The following NMU variants were observed in gnomAD, a reference collection of about 807,000 sequenced individuals.
NMU encodes neuromedin-U.
In NMU, 29 loss-of-function variants were observed where a neutral mutation model predicts 35.4. The ratio of observed to expected loss-of-function variants is 0.82; its 90% CI spans 0.61 to 1.12. NMU has a LOEUF of 1.12. Among genes scored for constraint, NMU ranks in the 50% most tolerant of loss-of-function variants. The pLI, the probability that NMU is intolerant of heterozygous loss-of-function variation, is 0.00. For synonymous variants in NMU, 78 were observed against 81.3 expected, an observed-to-expected ratio of 0.96 and a Z score of 0.22; for missense variants, 199 against 206.2, an observed-to-expected ratio of 0.97 and a Z score of 0.21.
At chr4:55,603,911 C>CAAAA (rs746222578) in intron 7 of NMU, among the ~76,000 whole-genome samples, 5 of 50,374 alleles carry the variant, frequency 9.9e-5, no homozygotes, top group African/African-American at 6.0e-4. Flanking sequence ...GAGTCCGTCT[C>CAAAA]AAAAAAAAAA....
At chr4:55,611,721 C>T (rs1250038635) in intron 3 of NMU, among the ~76,000 whole-genome samples, 1 of 152,140 alleles carries the variant, frequency 6.6e-6, no homozygotes, top group Non-Finnish European at 1.5e-5. Context: ...CAGTAATGTG[C>T]TGTACAGGTT....
At chr4:55,625,827 G>GGTGTCTATCTAGTGTGTTGCTTC (rs1734504550) in intron 2 of NMU, among the ~76,000 whole-genome samples, 2 of 151,234 alleles carry the variant, frequency 1.3e-5, no homozygotes, top group Non-Finnish European at 2.9e-5. Flanking sequence ...CATGTTGCTG[G>GGTGTCTATCTAGTGTGTTGCTTC]GTGTCTATCT....
At chr4:55,605,976 T>A (rs146767368) in intron 6 of NMU, among the ~76,000 whole-genome samples, 135 of 152,334 alleles carry the variant, frequency 8.9e-4, no homozygotes, top group African/African-American at 3.1e-3. Context: ...CTGATATGGC[T>A]GCATTTTTTA....
At chr4:55,613,979 T>C (rs1373903650) in intron 3 of NMU, among the ~76,000 whole-genome samples, 1 of 152,202 alleles carries the variant, frequency 6.6e-6, no homozygotes, top group Non-Finnish European at 1.5e-5. Flanking sequence ...AATTTATTAA[T>C]ATTACTTATT....
chr4:55,630,541 A>G (rs1236959782), intron 1 of NMU, 81 bp from the exon 2 acceptor site: 3 of 1,111,916 alleles, frequency 2.7e-6, no homozygotes, highest in African/African-American at 1.6e-5. Context: ...TCTTTCTCGC[A>G]CACTTTCTTC....
Position 55,607,323 on chromosome 4 carries a change from T to C in NMU, c.335A>G (p.Gln112Arg). 1 of 1,608,186 alleles carries C rather than the reference T, an allele frequency of 6.2e-7. No homozygotes were observed. Among genetic ancestry groups the C allele is most frequent in the Non-Finnish European group, 8.5e-7 (1 of 1,174,996 alleles). ...CACAACATTTGACTTGCCCAACTTC[T>C]GTGTCTTCGAATAATGAAATAAGAA... ...KRFLFHYSKT[Q>R]KLGKSNVVSS... Residue 112 changes from glutamine to arginine, a missense_variant, in exon 6 of 10, where the codon CAG becomes CGG. By Grantham distance (43) the Gln-to-Arg change is conservative. Coordinates refer to ENST00000264218, the MANE Select transcript of NMU (RefSeq NM_006681.4).
At chr4:55,631,661 A>G (rs1419741523) in intron 1 of NMU, among the ~76,000 whole-genome samples, 2 of 152,228 alleles carry the variant, frequency 1.3e-5, no homozygotes, top group African/African-American at 4.8e-5. Context: ...AAGTCAAAAA[A>G]CAATAGATGT....
chr4:55,610,033 A>G (rs1733866139), intron 3 of NMU, among the ~76,000 whole-genome samples: 1 of 152,186 alleles, frequency 6.6e-6, no homozygotes, highest in African/African-American at 2.4e-5. Flanking sequence ...TAGGCTGGTT[A>G]CCTAACCTCT....
At chr4:55,630,621 A>G (rs185047300) in intron 1 of NMU, among the ~76,000 whole-genome samples, 161 bp from the exon 2 acceptor site, 293 of 152,286 alleles carry the variant, frequency 1.9e-3, no homozygotes, top group Non-Finnish European at 3.7e-3. Context: ...AGGAGACATA[A>G]TTACTAAATA....
At chr4:55,603,542 G>A (rs1301925530) in intron 7 of NMU, among the ~76,000 whole-genome samples, 1 of 151,920 alleles carries the variant, frequency 6.6e-6, no homozygotes, top group Admixed American at 6.6e-5. Flanking sequence ...TACTAACGGA[G>A]TTCCTCAAAG....
chr4:55,603,924 A>G lies in NMU; in HGVS notation c.435+1351T>C, dbSNP rs375543530. On this transcript the variant is annotated intron_variant, in intron 7 of 9. Coordinates refer to ENST00000264218, the MANE Select transcript of NMU (RefSeq NM_006681.4). ...AAGAGTCCGTCTCAAAAAAAAAAAA[A>G]AAATATATATATATATATATATGTA... Among the ~76,000 whole-genome samples the G allele has an allele frequency of 3.8e-5, 2 of 52,226 alleles. 1 individual carries two copies. Among genetic ancestry groups the G allele is most frequent in the Non-Finnish European group, 7.2e-5 (2 of 27,624 alleles). The allele number at this position is 52,226 out of a possible 152,430, so 34.3% of individuals were successfully genotyped here.
intron 1 of NMU, among the ~76,000 whole-genome samples, chr4:55,632,784 A>G (rs865898219): frequency 3.3e-5 from 5 of 152,012 alleles, no homozygotes; most frequent in Non-Finnish European, 5.9e-5. Context: ...TTCCACCTCA[A>G]CTTCACTGTG....
intron 9 of NMU, among the ~76,000 whole-genome samples, chr4:55,598,454 T>C (rs1733292118): frequency 6.6e-6 from 1 of 152,222 alleles, no homozygotes; most frequent in Non-Finnish European, 1.5e-5. Context: ...AATACACTTT[T>C]ATTTCTGTGG....
intron 2 of NMU, among the ~76,000 whole-genome samples, chr4:55,626,944 C>A (rs913678976): frequency 6.6e-6 from 1 of 152,138 alleles, no homozygotes; most frequent in Non-Finnish European, 1.5e-5. Context: ...CTATAATTTA[C>A]CTTTTATATT....
At position 55,607,285 on chromosome 4, in the gene NMU, T is replaced by C; in HGVS notation, c.360+13A>G. 6.4e-7 allele frequency: 1 copy of C among 1,573,930 alleles called. No individual in the cohort carries two copies. On this transcript the variant is annotated intron_variant, in intron 6 of 9. Transcript: ENST00000264218. ...AATATTAGTGATTACTAAGAAGTAGTTCTACAACTTACCACAACATTTGAC... is the reference window on the plus strand; with the variant it reads ...AATATTAGTGATTACTAAGAAGTAGCTCTACAACTTACCACAACATTTGAC...
chr4:55,614,670 G>C (rs112308813), intron 3 of NMU, among the ~76,000 whole-genome samples: 1 of 152,104 alleles, frequency 6.6e-6, no homozygotes, highest in Non-Finnish European at 1.5e-5. Flanking sequence ...AGCTCCTCTT[G>C]AAAGAGGCAC....
intron 2 of NMU, among the ~76,000 whole-genome samples, chr4:55,616,744 G>C (rs1036618686): frequency 2.6e-5 from 4 of 152,072 alleles, no homozygotes; most frequent in Admixed American, 2.0e-4. Flanking sequence ...GCAGACCTTT[G>C]GTTATCATAT....
At chr4:55,612,669 T>G (rs1733981446) in intron 3 of NMU, among the ~76,000 whole-genome samples, 1 of 152,198 alleles carries the variant, frequency 6.6e-6, no homozygotes, top group Admixed American at 6.5e-5. Context: ...CTAAGCTGGA[T>G]GAGCTTCAGT....
intron 7 of NMU, among the ~76,000 whole-genome samples, chr4:55,603,150 C>T (rs1485922348): frequency 2.0e-5 from 3 of 151,926 alleles, no homozygotes; most frequent in Non-Finnish European, 4.4e-5. Flanking sequence ...GGTGCCGCCA[C>T]CATGCCAGCT....
Sources: allele counts gnomAD v4.1 joint callset (sites outside exome capture counted in the v4.1 genomes callset), GRCh38; gene constraint gnomAD v4.1.1; transcripts MANE v1.5; gene names NCBI Gene and HGNC (gene_info 2026-07-23, HGNC 2026-07-21).